Variants in CCPG1 observed in about 807,000 individuals in gnomAD.
CCPG1 encodes cell cycle progression 1.
CCPG1 carries 46 observed loss-of-function variants against 81.3 expected under a neutral mutation model. That is an observed-to-expected ratio of 0.57 (90% CI 0.45 to 0.72). The LOEUF is 0.72. Among genes scored for constraint, CCPG1 ranks in the 30% least tolerant of loss-of-function variants. CCPG1 has a pLI of 0.00. For missense variants in CCPG1, 902 were observed against 937.6 expected (o/e 0.96, Z 0.50); for synonymous variants, 330 against 305.2 (o/e 1.08, Z -0.85).
At chr15:55,386,967 C>T (rs368540897) in intron 2 of CCPG1, among the ~76,000 whole-genome samples, 1 of 151,816 alleles carries the variant, frequency 6.6e-6, no homozygotes, top group Admixed American at 6.6e-5. Flanking sequence ...TGCAAGACTC[C>T]GAGGTTGTCT....
intron 3 of CCPG1, among the ~76,000 whole-genome samples, chr15:55,380,031 C>T (rs917021995): frequency 6.8e-6 from 1 of 147,508 alleles, no homozygotes; most frequent in Non-Finnish European, 1.5e-5. Flanking sequence ...ACCCAGGAGG[C>T]GAAGGTTGCA....
chr15:55,358,416 CAGA>C (rs1481379601), intron 8 of CCPG1: 2 of 985,320 alleles, frequency 2.0e-6, no homozygotes, highest in East Asian at 1.1e-4. Context: ...GAAAATTCTT[CAGA>C]AGTTCTCCAT....
Position 55,360,762 on chromosome 15 carries a change from T to C in CCPG1, c.1011A>G (p.Ile337Met). Residue 337 changes from isoleucine (I) to methionine (M), a missense_variant, in exon 8 of 9, where the codon ATA (isoleucine) becomes ATG (methionine). By Grantham distance (10) the Ile-to-Met change is conservative. Transcript: ENST00000442196. ...CAGTACTTGTCCCTTTATCTTCCAA[T>C]ATTCTAATCTGTTCTCTTAGTTTGT... The part of the protein sequence containing the change: ...ELNKLREQIR[I>M]LEDKGTSTEL... 1 of 1,611,292 alleles carries C rather than the reference T, an allele frequency of 6.2e-7. No individual in the cohort carries two copies.
At chr15:55,376,889 A>T in intron 5 of CCPG1, 60 bp downstream of exon 5, 1 of 1,242,414 alleles carries the variant, frequency 8.0e-7, no homozygotes, top group Non-Finnish European at 1.2e-6. Context: ...GGTAGAAAAC[A>T]AGCCTTTATA....
chr15:55,366,926 C>T (rs1038961196), intron 6 of CCPG1, among the ~76,000 whole-genome samples: 2 of 152,144 alleles, frequency 1.3e-5, no homozygotes, highest in African/African-American at 4.8e-5. Context: ...GCAACCTTAA[C>T]ATTACATCTA....
chr15:55,360,247 T>C lies in CCPG1; in HGVS notation c.1526A>G (p.Glu509Gly). The stretch of plus-strand genomic sequence containing the variant: ...AGCTTCTTTAGCCTGCTTAATTTTC[T>C]CTTTATGATGCCTTACAAACTCCTT... ...STKEFVRHHK[E>G]KIKQAKEAVK... Residue 509 changes from glutamate (E) to glycine (G), a missense_variant, in exon 8 of 9, where the codon GAG (glutamate) becomes GGG (glycine). This residue lies in a region of CCPG1 where 746 missense variants were observed against 728.6 expected (regional missense o/e 1.02). Coordinates refer to ENST00000442196, the MANE Select transcript of CCPG1 (RefSeq NM_001204450.2). 1 of 1,614,050 alleles carries C rather than the reference T, an allele frequency of 6.2e-7. No individual in the cohort carries two copies. Among genetic ancestry groups the C allele is most frequent in the Non-Finnish European group, 8.5e-7 (1 of 1,180,014 alleles).
rs541253222 is a variant in CCPG1 at position 55,364,019 on chromosome 15, G to T, written c.828+1169C>A. Among the ~76,000 whole-genome samples the T allele has an allele frequency of 2.3e-4, 35 of 149,910 alleles. 1 individual carries two copies. The highest frequency in any genetic ancestry group is 4.0e-4 in the Non-Finnish European group (27 of 67,274). On this transcript the variant is annotated intron_variant, in intron 7 of 8. Coordinates refer to ENST00000442196, the MANE Select transcript of CCPG1 (RefSeq NM_001204450.2). ...AGGTTTCACCATATTGGCCAGGCTG[G>T]TCTTGAACTCCTGGGCTCAAGCAAT... is the stretch of plus-strand genomic sequence containing the variant.
At chr15:55,382,279 A>G (rs1468481785) in intron 3 of CCPG1, among the ~76,000 whole-genome samples, 1 of 152,208 alleles carries the variant, frequency 6.6e-6, no homozygotes, top group African/African-American at 2.4e-5. Flanking sequence ...CAGTAGAACA[A>G]CTTTCAAAAT....
intron 4 of CCPG1, 124 bp downstream of exon 4, chr15:55,378,176 C>T: frequency 1.8e-6 from 1 of 558,420 alleles, no homozygotes; most frequent in Non-Finnish European, 3.1e-6. Flanking sequence ...AGACATCTAA[C>T]TTAGAAGTCA....
intron 2 of CCPG1, among the ~76,000 whole-genome samples, chr15:55,389,142 C>T (rs929681593): frequency 1.4e-5 from 2 of 147,004 alleles, no homozygotes; most frequent in South Asian, 4.3e-4. Flanking sequence ...CAATAACAAA[C>T]CTTCAATAAA....
At chr15:55,365,135 A>T in intron 7 of CCPG1, 53 bp downstream of exon 7, 1 of 1,105,756 alleles carries the variant, frequency 9.0e-7, no homozygotes, top group Non-Finnish European at 1.3e-6. Flanking sequence ...AGCTCTAACT[A>T]ATAAGCAAAA....
chr15:55,375,310 T>C (rs1041768551), intron 5 of CCPG1, among the ~76,000 whole-genome samples: 1 of 152,208 alleles, frequency 6.6e-6, no homozygotes, highest in Non-Finnish European at 1.5e-5. Flanking sequence ...GTTTCTTATA[T>C]ATCTGACCAT....
In CCPG1 at chr15:55,385,606, G is replaced by C. The variant is rs778025089; in HGVS notation, c.169C>G (p.Gln57Glu). 5 of 1,560,876 alleles carry C rather than the reference G, an allele frequency of 3.2e-6. No homozygotes were observed. The highest frequency in any genetic ancestry group is 4.4e-6 in the Non-Finnish European group (5 of 1,142,676). Residue 57 changes from glutamine (Q) to glutamate (E), a missense_variant, in exon 3 of 9, where the codon CAA becomes GAA. By Grantham distance (29) the Gln-to-Glu change is conservative. Coordinates refer to ENST00000442196, the MANE Select transcript of CCPG1 (RefSeq NM_001204450.2). ...GAATTTGTGAACAACTTACCTCCTTGCTCTATCTGCAATGCTTGAAGCTCC... is the reference window on the plus strand; with the variant it reads ...GAATTTGTGAACAACTTACCTCCTTCCTCTATCTGCAATGCTTGAAGCTCC... ...QEELQALQIE[Q>E]GESSQNGTVL...
rs1259871700 is a variant in CCPG1, at chr15:55,355,723, C to CT, written c.*496dup. On this transcript the variant is annotated 3_prime_UTR_variant, in exon 9 of 9. Transcript: ENST00000442196. ...TCACAAGAAAACAAGTCAGCAAGCT[C>CT]TTAAGAGGGCAGCAAATTCTTCACA... 4.0e-6 allele frequency: 1 copy of CT among 247,644 alleles called. No individual in the cohort carries two copies. The highest frequency in any genetic ancestry group is 7.6e-6 in the Non-Finnish European group (1 of 131,658). The allele number at this position is 247,644 out of a possible 1,614,324, so 15.3% of individuals were successfully genotyped here.
rs150362667 is a variant in CCPG1 at position 55,371,873 on chromosome 15, C to T, written c.626G>A (p.Arg209His). The change falls in exon 6 of 9, where the codon CGT becomes CAT. Residue 209 changes from arginine (R) to histidine (H), a missense_variant. Coordinates refer to ENST00000442196, the MANE Select transcript of CCPG1 (RefSeq NM_001204450.2). ...CTTATTGAGACCACTACTGAACTGACGTTTACTCAACTCCTTAGAAGGTTC... is the reference window on the plus strand; with the variant it reads ...CTTATTGAGACCACTACTGAACTGATGTTTACTCAACTCCTTAGAAGGTTC... ...ETEPSKELSK[R>H]QFSSGLNKCV... The T allele has an allele frequency of 3.5e-5, 57 of 1,614,020 alleles. No homozygotes were observed. The African/African-American group carries it at 4.4e-4, about 12-fold the overall frequency.
intron 5 of CCPG1, among the ~76,000 whole-genome samples, chr15:55,376,135 C>T (rs751443996): frequency 3.9e-5 from 6 of 152,180 alleles, no homozygotes; most frequent in Non-Finnish European, 7.4e-5. Context: ...CCTGTTTCTT[C>T]GTCAAATTAG....
intron 2 of CCPG1, among the ~76,000 whole-genome samples, chr15:55,388,268 T>G (rs2056843706): frequency 6.6e-6 from 1 of 152,126 alleles, no homozygotes; most frequent in African/African-American, 2.4e-5. Flanking sequence ...GGAGTAAGTA[T>G]ATTTCTGTTT....
chr15:55,373,032 T>C, intron 5 of CCPG1: 1 of 534,630 alleles, frequency 1.9e-6, no homozygotes, highest in Non-Finnish European at 3.8e-6. Context: ...ACACAACAGC[T>C]ATCTCCGATA....
intron 6 of CCPG1, among the ~76,000 whole-genome samples, chr15:55,370,286 G>A (rs993474875): frequency 6.6e-6 from 1 of 152,034 alleles, no homozygotes; most frequent in African/African-American, 2.4e-5. Flanking sequence ...TACATTTTTC[G>A]AATGAACTAG....
Sources: allele counts gnomAD v4.1 joint callset (sites outside exome capture counted in the v4.1 genomes callset), GRCh38; gene constraint gnomAD v4.1.1; regional missense constraint gnomAD v4.1.1; transcripts MANE v1.5; gene names NCBI Gene and HGNC (gene_info 2026-07-23, HGNC 2026-07-21).